ELP4: variants seen among roughly 807,000 people sequenced by gnomAD.
ELP4 encodes elongator acetyltransferase complex subunit 4, also known as elongator complex protein 4.
In ELP4, 51 loss-of-function variants were observed where a neutral mutation model predicts 48.9. The observed-to-expected ratio is 1.04, with a 90% CI of 0.83 to 1.32. The LOEUF is 1.32. Ranked by LOEUF, ELP4 falls within the 40% of genes most tolerant of loss-of-function variation. The pLI is 0.00. For missense variants in ELP4, 519 were observed against 514.6 expected (o/e 1.01, Z -0.08); for synonymous variants, 210 against 189.2 (o/e 1.11, Z -0.90).
At chr11:31,760,587 G>T (rs928285534) in intron 9 of ELP4, among the ~76,000 whole-genome samples, 53 of 152,070 alleles carry the variant, frequency 3.5e-4, no homozygotes, top group African/African-American at 1.3e-3. Context: ...CTTTACACAA[G>T]ATTCCTAATA....
chr11:31,701,857 A>G (rs973849635), intron 9 of ELP4, among the ~76,000 whole-genome samples: 2 of 151,980 alleles, frequency 1.3e-5, no homozygotes, highest in African/African-American at 4.8e-5. Flanking sequence ...GTAAACAAAA[A>G]CATTTTATAT....
chr11:31,626,927 A>G (rs1389598396), intron 5 of ELP4, among the ~76,000 whole-genome samples, 183 bp from the exon 6 acceptor site: 2 of 151,980 alleles, frequency 1.3e-5, no homozygotes, highest in East Asian at 3.9e-4. Flanking sequence ...ATAATAAGGC[A>G]TTGTAACTTA....
intron 5 of ELP4, among the ~76,000 whole-genome samples, chr11:31,609,708 C>A (rs1957940443): frequency 6.6e-6 from 1 of 151,964 alleles, no homozygotes; most frequent in African/African-American, 2.4e-5. Flanking sequence ...GATTGAAAAG[C>A]AAAGATCCAC....
At chr11:31,751,204 G>A (rs956040032) in intron 9 of ELP4, among the ~76,000 whole-genome samples, 3 of 152,134 alleles carry the variant, frequency 2.0e-5, no homozygotes, top group African/African-American at 2.4e-5. Flanking sequence ...ATTGGCCTTG[G>A]CACCAATTTG....
chr11:31,765,221 T>C (rs1386122868), intron 9 of ELP4, among the ~76,000 whole-genome samples: 1 of 152,198 alleles, frequency 6.6e-6, no homozygotes, highest in Non-Finnish European at 1.5e-5. Context: ...GACCTTATTC[T>C]AAAATTTAAC....
chr11:31,523,576 A>G (rs1956250365), intron 2 of ELP4, among the ~76,000 whole-genome samples: 2 of 152,298 alleles, frequency 1.3e-5, no homozygotes, highest in African/African-American at 4.8e-5. Context: ...AAAACCTAAA[A>G]TAAGTCCACT....
At chr11:31,744,537 C>G (rs1184262123) in intron 9 of ELP4, among the ~76,000 whole-genome samples, 1 of 152,150 alleles carries the variant, frequency 6.6e-6, no homozygotes, top group Non-Finnish European at 1.5e-5. Context: ...AAAGCTTATC[C>G]ACCATGATCA....
intron 5 of ELP4, among the ~76,000 whole-genome samples, chr11:31,607,336 T>C (rs1197952726): frequency 6.6e-6 from 1 of 152,214 alleles, no homozygotes; most frequent in Non-Finnish European, 1.5e-5. Context: ...TATTGAACTT[T>C]CTATCCTCCA....
At chr11:31,528,586 A>T (rs540804908) in intron 2 of ELP4, among the ~76,000 whole-genome samples, 1 of 152,188 alleles carries the variant, frequency 6.6e-6, no homozygotes, top group South Asian at 2.1e-4. Flanking sequence ...ATATTTCCTC[A>T]TTTAATAGGT....
intron 3 of ELP4, among the ~76,000 whole-genome samples, chr11:31,572,163 T>G (rs1313017500): frequency 6.6e-6 from 1 of 152,228 alleles, no homozygotes; most frequent in Admixed American, 6.5e-5. Context: ...CCTTCATCAC[T>G]TAGCTAGATC....
intron 9 of ELP4, among the ~76,000 whole-genome samples, chr11:31,699,795 T>A (rs1463548795): frequency 1.3e-5 from 2 of 152,128 alleles, no homozygotes; most frequent in South Asian, 2.1e-4. Context: ...CACCTTGATG[T>A]GTAGCCTTGA....
chr11:31,725,659 C>A (rs1338782171), intron 9 of ELP4, among the ~76,000 whole-genome samples: 1 of 152,184 alleles, frequency 6.6e-6, no homozygotes, highest in Non-Finnish European at 1.5e-5. Flanking sequence ...AATCTTTTCA[C>A]CACAAGCACT....
intron 9 of ELP4, among the ~76,000 whole-genome samples, chr11:31,749,722 A>G (rs1947676243): frequency 6.6e-6 from 1 of 152,252 alleles, no homozygotes; most frequent in South Asian, 2.1e-4. Flanking sequence ...AAATACATAA[A>G]TATAACCACA....
chr11:31,665,075 C>G lies in ELP4; in HGVS notation c.1143+14854C>G, dbSNP rs533705885. Among the ~76,000 whole-genome samples, 3 of 152,230 alleles carry G rather than the reference C, an allele frequency of 2.0e-5. No individual in the cohort carries two copies. In the South Asian group the frequency reaches 6.2e-4, roughly 32 times the overall value. ...TTTTTGACACTAATAATGACTGAGT[C>G]TCTGTTCATTTGAGTTCAAGATTTC... On this transcript the variant is annotated intron_variant, in intron 9 of 9. Coordinates refer to ENST00000640961, the MANE Select transcript of ELP4 (RefSeq NM_019040.5).
chr11:31,734,248 C>T (rs548289167), intron 9 of ELP4, among the ~76,000 whole-genome samples: 53 of 152,278 alleles, frequency 3.5e-4, no homozygotes, highest in Non-Finnish European at 6.8e-4. Flanking sequence ...GAGAAGCCCA[C>T]AGCTAACATA....
intron 2 of ELP4, among the ~76,000 whole-genome samples, chr11:31,534,241 A>G (rs1183216031): frequency 6.6e-6 from 1 of 150,818 alleles, no homozygotes; most frequent in Non-Finnish European, 1.5e-5. Flanking sequence ...TCACTGGATT[A>G]TAAGGATGGG....
chr11:31,744,104 C>T (rs1360077097), intron 9 of ELP4, among the ~76,000 whole-genome samples: 2 of 152,154 alleles, frequency 1.3e-5, no homozygotes, highest in African/African-American at 4.8e-5. Flanking sequence ...TCAGAGAATA[C>T]TATAAACACC....
intron 6 of ELP4, among the ~76,000 whole-genome samples, chr11:31,631,237 A>G (rs1486572933): frequency 6.6e-6 from 1 of 152,168 alleles, no homozygotes; most frequent in Admixed American, 6.6e-5. Flanking sequence ...TTGGTTAATA[A>G]ATTTTATCAG....
intron 3 of ELP4, among the ~76,000 whole-genome samples, chr11:31,562,750 T>A (rs956156223): frequency 2.0e-5 from 3 of 152,168 alleles, no homozygotes; most frequent in African/African-American, 7.2e-5. Context: ...ATAAGTTAAT[T>A]CACTAATACT....
Sources: gnomAD v4.1 joint callset for allele counts (sites outside exome capture counted in the v4.1 genomes callset) on GRCh38, gnomAD v4.1.1 for gene constraint, MANE v1.5 for transcripts, NCBI Gene and HGNC (gene_info 2026-07-23, HGNC 2026-07-21) for gene names.